The following CTCFL variants were observed in gnomAD, a reference collection of about 807,000 sequenced individuals.
CTCFL encodes the protein transcriptional repressor CTCFL.
In CTCFL, 36 loss-of-function variants were observed where a neutral mutation model predicts 67.4. The ratio of observed to expected loss-of-function variants is 0.53; its 90% CI spans 0.41 to 0.71. The LOEUF is 0.71. Ranked by LOEUF, CTCFL falls within the 30% of genes least tolerant of loss-of-function variation. The pLI is 0.00. For missense variants in CTCFL, 786 were observed against 835.2 expected (o/e 0.94, Z 0.73); for synonymous variants, 324 against 302.3 (o/e 1.07, Z -0.75).
chr20:57,504,498 C>T (rs1207995957), intron 9 of CTCFL, among the ~76,000 whole-genome samples: 1 of 151,310 alleles, frequency 6.6e-6, no homozygotes, highest in Admixed American at 6.6e-5. Context: ...CCAGGCTGGA[C>T]TCAAAACTCC....
intron 8 of CTCFL, among the ~76,000 whole-genome samples, chr20:57,511,976 T>C (rs372779253): frequency 1.3e-5 from 2 of 152,260 alleles, no homozygotes; most frequent in East Asian, 3.9e-4. Context: ...CCTTTCTTAG[T>C]GAAAATGACA....
chr20:57,496,661 A>C (rs1421916468), downstream of CTCFL, among the ~76,000 whole-genome samples: 1 of 152,176 alleles, frequency 6.6e-6, no homozygotes, highest in Non-Finnish European at 1.5e-5. Flanking sequence ...TATGACTCTG[A>C]CTGTTCTAGA....
chr20:57,503,993 C>A (rs922120567), intron 9 of CTCFL, among the ~76,000 whole-genome samples: 2 of 151,900 alleles, frequency 1.3e-5, no homozygotes, highest in Non-Finnish European at 2.9e-5. Flanking sequence ...AAGGAAGCTA[C>A]ACTCAGGATG....
intron 1 of CTCFL, chr20:57,524,552 G>GTTAGGCCTGAGCCGGT: frequency 9.3e-7 from 1 of 1,078,924 alleles, no homozygotes. Flanking sequence ...GCCTAGCAAG[G>GTTAGGCCTGAGCCGGT]TTAGGCCTGA....
intron 3 of CTCFL, among the ~76,000 whole-genome samples, chr20:57,519,719 G>A (rs559678766): frequency 1.4e-3 from 217 of 152,200 alleles, no homozygotes; most frequent in Admixed American, 3.3e-3. Flanking sequence ...AAGGCACACC[G>A]CCTACCTGAA....
At chr20:57,502,066 A>G (rs1453181571) in intron 10 of CTCFL, among the ~76,000 whole-genome samples, 2 of 152,322 alleles carry the variant, frequency 1.3e-5, no homozygotes, top group East Asian at 3.9e-4. Flanking sequence ...ACAATTCTGG[A>G]GAGTTCCAAC....
At chr20:57,503,811 G>A (rs2068042121) in intron 9 of CTCFL, among the ~76,000 whole-genome samples, 1 of 152,104 alleles carries the variant, frequency 6.6e-6, no homozygotes, top group Admixed American at 6.5e-5. Flanking sequence ...ACTCACGTAT[G>A]TAATCCCAGT....
chr20:57,503,655 C>CCT (rs1289805526), intron 9 of CTCFL, 54 bp from the exon 10 acceptor site: 8 of 1,578,886 alleles, frequency 5.1e-6, no homozygotes, highest in Non-Finnish European at 6.0e-6. Flanking sequence ...GGCAGGGACC[C>CCT]CTCTCAGGGG....
intron 3 of CTCFL, among the ~76,000 whole-genome samples, chr20:57,521,392 A>G (rs906130824): frequency 6.6e-6 from 1 of 152,268 alleles, no homozygotes; most frequent in African/African-American, 2.4e-5. Context: ...GATGGCTATA[A>G]TTAAACAATA....
intron 7 of CTCFL, chr20:57,513,788 G>C (rs1295948416): frequency 7.9e-7 from 1 of 1,259,344 alleles, no homozygotes; most frequent in Non-Finnish European, 1.0e-6. Context: ...CAAATTTTTT[G>C]TTCTGCTAAC....
At chr20:57,502,482 T>G (rs566040429) in intron 10 of CTCFL, among the ~76,000 whole-genome samples, 1 of 152,214 alleles carries the variant, frequency 6.6e-6, no homozygotes, top group Non-Finnish European at 1.5e-5. Context: ...GAAAGGCAGG[T>G]GGAGGGCGAC....
In CTCFL at chr20:57,504,511, ACC is replaced by A. The variant is rs1451609719; in HGVS notation, c.1675-912_1675-911del. Among the ~76,000 whole-genome samples, 9 of 149,548 alleles carry A rather than the reference ACC, an allele frequency of 6.0e-5. No individual in the cohort carries two copies. The East Asian group carries it at 1.8e-3, about 30-fold the overall frequency. ...GGCCAGGCTGGACTCAAAACTCCTG[ACC>A]TCAAGTGATCCACCTGCCTTGGCCT... On this transcript the variant is annotated intron_variant, in intron 9 of 10. Transcript: ENST00000243914.
chr20:57,507,350 CCTAG>C, intron 9 of CTCFL: 1 of 538,658 alleles, frequency 1.9e-6, no homozygotes, highest in Non-Finnish European at 3.3e-6. Flanking sequence ...CACTACCACG[CCTAG>C]CTATTTTCTT....
intron 8 of CTCFL, among the ~76,000 whole-genome samples, 158 bp from the exon 9 acceptor site, chr20:57,508,946 C>T (rs573376986): frequency 2.0e-5 from 3 of 152,324 alleles, no homozygotes; most frequent in African/African-American, 7.2e-5. Flanking sequence ...GCAGCATTCA[C>T]TCTCAGTAAG....
At chr20:57,514,226 A>G (rs2068751969) in intron 7 of CTCFL, among the ~76,000 whole-genome samples, 1 of 152,214 alleles carries the variant, frequency 6.6e-6, no homozygotes. Context: ...CCCAGAATCC[A>G]GCCACCTCCT....
chr20:57,498,766 T>A lies in CTCFL; in HGVS notation c.1841-65A>T, dbSNP rs2067770087. 2.8e-6 allele frequency: 4 copies of A among 1,446,860 alleles called. No individual in the cohort carries two copies. The South Asian group carries it at 5.0e-5, about 18-fold the overall frequency. 89.6% of individuals were successfully genotyped at this position (1,446,860 alleles called of 1,614,324 possible). On this transcript the variant is annotated intron_variant, in intron 10 of 10. Coordinates refer to ENST00000243914, the MANE Select transcript of CTCFL (RefSeq NM_001386993.1). ...CTAAGGAATTGGAATTTATAAACTG[T>A]GCAAATATATTTTGGAAACCATCAC...
At chr20:57,519,037 T>G (rs58670502) in intron 4 of CTCFL, 146 bp from the exon 5 acceptor site, 1 of 1,187,602 alleles carries the variant, frequency 8.4e-7, no homozygotes, top group East Asian at 2.5e-5. Context: ...CACAGATGCA[T>G]GTGAGAAAAA....
intron 9 of CTCFL, among the ~76,000 whole-genome samples, chr20:57,504,536 C>A (rs2068095469): frequency 6.6e-6 from 1 of 151,776 alleles, no homozygotes; most frequent in African/African-American, 2.4e-5. Context: ...CCTGCCTTGG[C>A]CTCCCAAAGT....
At chr20:57,513,778 C>A in intron 7 of CTCFL, 1 of 1,254,330 alleles carries the variant, frequency 8.0e-7, no homozygotes, top group Non-Finnish European at 1.0e-6. Context: ...GCAAAAGGGT[C>A]AAATTTTTTG....
Sources: gnomAD v4.1 joint callset for allele counts (sites outside exome capture counted in the v4.1 genomes callset) on GRCh38, gnomAD v4.1.1 for gene constraint, MANE v1.5 for transcripts, NCBI Gene and HGNC (gene_info 2026-07-23, HGNC 2026-07-21) for gene names.